Variants in INTU observed in about 807,000 individuals in gnomAD.
INTU encodes protein inturned.
A neutral mutation model predicts 100.5 loss-of-function variants in INTU; 68 were observed. The observed-to-expected ratio is 0.68, with a 90% CI of 0.56 to 0.83. The LOEUF is 0.83. Ranked by LOEUF, INTU falls within the 40% of genes least tolerant of loss-of-function variation. INTU has a pLI of 0.00. For missense variants in INTU, 1,071 were observed against 1,114.7 expected, an observed-to-expected ratio of 0.96 and a Z score of 0.56; for synonymous variants, 357 against 395.7, an observed-to-expected ratio of 0.90 and a Z score of 1.16.
At chr4:127,663,094 A>G (rs1350923064) in intron 3 of INTU, among the ~76,000 whole-genome samples, 1 of 152,164 alleles carries the variant, frequency 6.6e-6, no homozygotes, top group African/African-American at 2.4e-5. Context: ...TTTATAGTCA[A>G]CAATTTAGAC....
At chr4:127,705,860 A>G (rs764843002) in intron 11 of INTU, 48 bp downstream of exon 11, 9 of 1,509,974 alleles carry the variant, frequency 6.0e-6, no homozygotes, top group South Asian at 1.2e-5. Flanking sequence ...CTTTTCTTTT[A>G]TTTTTTTCTT....
rs1328992049 is a variant in INTU at position 127,714,207 on chromosome 4, A to G, written c.2717+114A>G. ...ATGGAATTTTTTATCTAGCTATACT[A>G]TTTTAATATATTTCATTTTATTTGC... On this transcript the variant is annotated intron_variant, in intron 15 of 15. Transcript: ENST00000335251. The G allele has an allele frequency of 1.1e-5, 7 of 637,560 alleles. No individual in the cohort carries two copies. In the African/African-American group the frequency reaches 1.1e-4, roughly 10 times the overall value. The allele number at this position is 637,560 out of a possible 1,614,324, so 39.5% of individuals were successfully genotyped here. A position where few individuals can be genotyped will look rare whatever the true frequency, so the allele number is the denominator to read the frequency against.
chr4:127,637,449 A>C (rs1254141895), intron 1 of INTU, among the ~76,000 whole-genome samples: 1 of 152,102 alleles, frequency 6.6e-6, no homozygotes, highest in Non-Finnish European at 1.5e-5. Flanking sequence ...CTTATTCTCA[A>C]ATTGACCACT....
chr4:127,669,073 C>T lies in INTU; in HGVS notation c.1010C>T (p.Ser337Phe). The T allele has an allele frequency of 6.5e-7, 1 of 1,542,420 alleles. No individual in the cohort carries two copies. ...ILYHYPMSEA[S>F]QKLKSVRGIF... ...TATCATTATCCAATGTCTGAAGCAT[C>T]TCAGAAACTTAAAAGTGTGAGAGGG... is the stretch of plus-strand genomic sequence containing the variant. Residue 337 changes from serine to phenylalanine, a missense_variant, in exon 5 of 16, where the codon TCT becomes TTT. By Grantham distance (155) the Ser-to-Phe change is radical. Coordinates refer to ENST00000335251, the MANE Select transcript of INTU (RefSeq NM_015693.4).
chr4:127,693,133 G>C (rs1309077103), intron 8 of INTU, among the ~76,000 whole-genome samples: 2 of 152,112 alleles, frequency 1.3e-5, no homozygotes, highest in African/African-American at 4.8e-5. Flanking sequence ...GTGGTATTTT[G>C]ATGGGAATTG....
chr4:127,651,869 T>C (rs1727898917), intron 2 of INTU, among the ~76,000 whole-genome samples: 1 of 151,528 alleles, frequency 6.6e-6, no homozygotes, highest in African/African-American at 2.4e-5. Context: ...TGTTCTTCCA[T>C]TTGTTTGTAT....
chr4:127,685,555 A>G (rs1729785178), intron 7 of INTU: 1 of 443,744 alleles, frequency 2.3e-6, no homozygotes. Flanking sequence ...TTGCTTACCA[A>G]CATTTTCCAG....
chr4:127,675,943 G>A, intron 6 of INTU: 1 of 313,400 alleles, frequency 3.2e-6, no homozygotes, highest in Non-Finnish European at 6.8e-6. Context: ...CATGGGGAGA[G>A]GAATTAAGCC....
chr4:127,667,371 C>T (rs979193199), intron 4 of INTU, among the ~76,000 whole-genome samples: 3 of 152,052 alleles, frequency 2.0e-5, no homozygotes, highest in African/African-American at 4.8e-5. Context: ...GGTTAGGAAC[C>T]GTAGAGCTTG....
intron 12 of INTU, 143 bp from the exon 13 acceptor site, chr4:127,708,428 G>A: frequency 3.5e-6 from 2 of 568,854 alleles, no homozygotes; most frequent in East Asian, 3.1e-5. Context: ...AAGCCAAGAG[G>A]TACAAGTTAG....
intron 1 of INTU, among the ~76,000 whole-genome samples, chr4:127,640,588 T>TATATATAC (rs1560825824): frequency 3.6e-5 from 1 of 27,776 alleles, no homozygotes; most frequent in Non-Finnish European, 7.5e-5. Flanking sequence ...TATATATATA[T>TATATATAC]ATACATATAC....
rs576383275 is a variant in INTU at position 127,667,235 on chromosome 4, TTCTG to T, written c.973-1795_973-1792del. ...GTAGATGTTTCTCAAAAGAACAGGT[TTCTG>T]TCTGTTGCCAGCCCTGTATCAACAT... On this transcript the variant is annotated intron_variant, in intron 4 of 15. Coordinates refer to ENST00000335251, the MANE Select transcript of INTU (RefSeq NM_015693.4). Among the ~76,000 whole-genome samples, 16 of 152,248 alleles carry T rather than the reference TTCTG, an allele frequency of 1.1e-4. No homozygotes were observed. In the East Asian group the frequency reaches 3.1e-3, roughly 29 times the overall value.
intron 4 of INTU, among the ~76,000 whole-genome samples, chr4:127,668,053 A>G (rs1338215042): frequency 6.6e-6 from 1 of 152,050 alleles, no homozygotes; most frequent in Non-Finnish European, 1.5e-5. Flanking sequence ...CAATATTAAT[A>G]TTTATGGATA....
chr4:127,666,963 A>AG (rs1432943241), intron 4 of INTU, among the ~76,000 whole-genome samples: 1 of 152,170 alleles, frequency 6.6e-6, no homozygotes, highest in Non-Finnish European at 1.5e-5. Context: ...GAATTTACTT[A>AG]GACACATTTT....
intron 2 of INTU, among the ~76,000 whole-genome samples, chr4:127,646,815 G>A (rs1727614237): frequency 6.6e-6 from 1 of 151,978 alleles, no homozygotes; most frequent in South Asian, 2.1e-4. Flanking sequence ...GAGGGGTTGA[G>A]ATTGAAACTC....
At chr4:127,708,738 A>G in intron 13 of INTU, 70 bp downstream of exon 13, 3 of 734,822 alleles carry the variant, frequency 4.1e-6, no homozygotes, top group South Asian at 1.8e-5. Flanking sequence ...CAATTTTATA[A>G]CATGTATTTT....
At chr4:127,643,043 A>G (rs1476737196) in intron 1 of INTU, among the ~76,000 whole-genome samples, 1 of 152,200 alleles carries the variant, frequency 6.6e-6, no homozygotes, top group Non-Finnish European at 1.5e-5. Context: ...CTTTCATTTT[A>G]ACCTGACAGC....
chr4:127,694,470 A>G (rs1316372463), intron 8 of INTU, among the ~76,000 whole-genome samples: 1 of 151,906 alleles, frequency 6.6e-6, no homozygotes, highest in African/African-American at 2.4e-5. Flanking sequence ...TTTCTTGGTT[A>G]ATCTTTCTAA....
intron 2 of INTU, among the ~76,000 whole-genome samples, chr4:127,647,782 C>A (rs59435820): frequency 0.019 from 2,857 of 152,088 alleles, 88 homozygotes; most frequent in African/African-American, 0.064. Context: ...CCAAAGACAA[C>A]ATTTTGTTAT....
Sources: allele counts gnomAD v4.1 joint callset (sites outside exome capture counted in the v4.1 genomes callset), GRCh38; gene constraint gnomAD v4.1.1; transcripts MANE v1.5; gene names NCBI Gene and HGNC (gene_info 2026-07-23, HGNC 2026-07-21).